Variants in SFSWAP observed in about 807,000 individuals in gnomAD.
The protein encoded by SFSWAP is splicing factor, suppressor of white-apricot homolog.
Under a neutral mutation model 100.7 loss-of-function variants are expected in SFSWAP, and 17 were observed. The observed-to-expected ratio is 0.17, with a 90% CI of 0.12 to 0.25. SFSWAP has a LOEUF of 0.25. SFSWAP is among the 10% of genes least tolerant of loss of function. The pLI is 1.00. For missense variants in SFSWAP, 1,005 were observed against 1,262.6 expected, an observed-to-expected ratio of 0.80 and a Z score of 3.09; for synonymous variants, 504 against 510.1, an observed-to-expected ratio of 0.99 and a Z score of 0.16.
At position 131,729,060 on chromosome 12, in the gene SFSWAP, G is replaced by T. The variant is rs563724205; in HGVS notation, c.1081+632G>T. The stretch of plus-strand genomic sequence containing the variant: ...TAGTGGCTTCCCTTACCTCTCAGTG[G>T]CTAGTGTCCTGTCACATGGTCTCCC... On this transcript the variant is annotated intron_variant, in intron 7 of 17. Coordinates refer to ENST00000261674, the MANE Select transcript of SFSWAP (RefSeq NM_004592.4). Among the ~76,000 whole-genome samples, 5 of 152,270 alleles carry T rather than the reference G, an allele frequency of 3.3e-5. No individual in the cohort carries two copies. In the South Asian group the frequency reaches 6.2e-4, roughly 19 times the overall value.
Position 131,799,279 on chromosome 12 carries a change from A to G in SFSWAP, c.2791-144A>G, listed in dbSNP as rs1593204457. The G allele has an allele frequency of 5.8e-6, 6 of 1,035,644 alleles. No homozygotes were observed. In the Admixed American group the frequency reaches 9.8e-5, roughly 17 times the overall value. The allele number at this position is 1,035,644 out of a possible 1,614,324, so 64.2% of individuals were successfully genotyped here. A position where few individuals can be genotyped will look rare whatever the true frequency, so the allele number is the denominator to read the frequency against. ...CCGAGGGCAAAGCCGTGTGGCCCGC[A>G]CCCTGCACAGCCAGGCTCCTCCGCC... On this transcript the variant is annotated intron_variant, in intron 17 of 17. Transcript: ENST00000261674.
chr12:131,711,314 G>C lies in SFSWAP; in HGVS notation c.85G>C (p.Gly29Arg), dbSNP rs748904111. ...EEAGPGGAGG[G>R]GSRVELLVFG... is the part of the protein sequence containing the mutation. ...GGCCGGGCCAGGCGGTGCCGGCGGT[G>C]GGGGCAGCCGAGTGGAGCTCTTGGT... The change falls in exon 1 of 18, where the codon GGG becomes CGG. Residue 29 changes from glycine (G) to arginine (R), a missense_variant. By Grantham distance (125) the Gly-to-Arg change is moderately radical (BLOSUM62 -2). Coordinates refer to ENST00000261674, the MANE Select transcript of SFSWAP (RefSeq NM_004592.4). The surrounding 1 kb of genome is among the most constrained non-coding windows in gnomAD (Gnocchi z 4.9). 9 of 1,613,536 alleles carry C rather than the reference G, an allele frequency of 5.6e-6. No individual in the cohort carries two copies. Among genetic ancestry groups the C allele is most frequent in the Non-Finnish European group, 7.6e-6 (9 of 1,179,822 alleles).
intron 7 of SFSWAP, among the ~76,000 whole-genome samples, chr12:131,742,333 A>T (rs549521549): frequency 2.3e-4 from 35 of 152,322 alleles, no homozygotes; most frequent in Non-Finnish European, 3.8e-4. Context: ...GAAGTCTTCA[A>T]AACCTCAGTA....
chr12:131,768,872 C>T (rs985427243), intron 13 of SFSWAP, among the ~76,000 whole-genome samples: 5 of 152,106 alleles, frequency 3.3e-5, no homozygotes, highest in African/African-American at 9.7e-5. Context: ...ACCTGTAATC[C>T]GAACACTTTG....
intron 13 of SFSWAP, among the ~76,000 whole-genome samples, chr12:131,766,906 G>A (rs1198709636): frequency 2.6e-5 from 4 of 152,228 alleles, no homozygotes; most frequent in African/African-American, 9.6e-5. Flanking sequence ...CAGACCAGAG[G>A]CCTTCAGTAG....
intron 7 of SFSWAP, among the ~76,000 whole-genome samples, chr12:131,736,415 A>T (rs765728690): frequency 1.3e-5 from 2 of 151,980 alleles, no homozygotes; most frequent in Non-Finnish European, 2.9e-5. Context: ...AATGAGGGGA[A>T]AAAAAAAGCC....
intron 4 of SFSWAP, among the ~76,000 whole-genome samples, chr12:131,720,667 T>A (rs898168522): frequency 6.6e-6 from 1 of 152,222 alleles, no homozygotes; most frequent in Non-Finnish European, 1.5e-5. Flanking sequence ...GATCACTCGC[T>A]GCCACTCTAA....
At chr12:131,786,973 C>T (rs1241063026) in intron 15 of SFSWAP, among the ~76,000 whole-genome samples, 6 of 152,174 alleles carry the variant, frequency 3.9e-5, no homozygotes, top group East Asian at 3.9e-4. Context: ...GTCTCAAGGG[C>T]AGTCACTGTG....
chr12:131,796,014 GGGAGAGGGGGAGGGGAGGGGAGGGGAGC>G (rs1885634043), intron 15 of SFSWAP: 2 of 24,928 alleles, frequency 8.0e-5, no homozygotes, highest in Non-Finnish European at 9.1e-5. Context: ...GGGAGGGGAG[GGGAGAGGGGGAGGGGAGGGGAGGGGAGC>G]GGAGAGGGGG....
At position 131,765,487 on chromosome 12, in the gene SFSWAP, G is replaced by GA. The variant is rs1367229895; in HGVS notation, c.1952-625dup. ...AACATGGTGAGACCCCATCTCTACT[G>GA]AAAAAACAAAATTAGCCGGGCGTGG... On this transcript the variant is annotated intron_variant, in intron 12 of 17. Transcript: ENST00000261674. Among the ~76,000 whole-genome samples the GA allele has an allele frequency of 5.9e-5, 9 of 152,078 alleles. No homozygotes were observed. In the East Asian group the frequency reaches 7.8e-4, roughly 13 times the overall value.
chr12:131,727,033 G>A lies in SFSWAP; in HGVS notation c.926G>A (p.Arg309His), dbSNP rs1287697193. ...PSLFASKKCN[R>H]LEELMKPLKV... is the part of the protein sequence containing the mutation. Reference sequence around the variant, plus strand: ...CTCTTTGCCTCCAAGAAGTGTAACCGCCTTGAAGAGCTGATGAAGGTTTTT... The same window carrying A: ...CTCTTTGCCTCCAAGAAGTGTAACCACCTTGAAGAGCTGATGAAGGTTTTT... Residue 309 changes from arginine (R) to histidine (H), a missense_variant, in exon 6 of 18, where the codon CGC (arginine) becomes CAC (histidine). By Grantham distance (29) the Arg-to-His change is conservative. Around this residue, in one of 7 missense-constraint regions of SFSWAP, gnomAD observed 22 missense variants for 52.6 expected, o/e 0.42. Transcript: ENST00000261674. 1.2e-5 allele frequency: 19 copies of A among 1,585,608 alleles called. No individual in the cohort carries two copies. The highest frequency in any genetic ancestry group is 4.5e-5 in the South Asian group (4 of 88,548).
intron 7 of SFSWAP, among the ~76,000 whole-genome samples, chr12:131,741,305 T>C (rs149945610): frequency 9.0e-4 from 137 of 152,274 alleles, no homozygotes; most frequent in African/African-American, 3.1e-3. Flanking sequence ...TCATAAAATA[T>C]TATTTTGTTT....
At position 131,766,761 on chromosome 12, in the gene SFSWAP, G is replaced by A. The variant is rs977418903; in HGVS notation, c.2142+453G>A. Among the ~76,000 whole-genome samples, 4 of 152,256 alleles carry A rather than the reference G, an allele frequency of 2.6e-5. No individual in the cohort carries two copies. The East Asian group carries it at 7.7e-4, about 29-fold the overall frequency. ...AATTAAAGAGAAAAAGGAAGAGGGAGTTAAGAGAACAGACTCCAGGAGTAC... is the reference window on the plus strand; with the variant it reads ...AATTAAAGAGAAAAAGGAAGAGGGAATTAAGAGAACAGACTCCAGGAGTAC... On this transcript the variant is annotated intron_variant, in intron 13 of 17. Transcript: ENST00000261674.
intron 4 of SFSWAP, among the ~76,000 whole-genome samples, chr12:131,721,415 T>G (rs1878465205): frequency 6.6e-6 from 1 of 152,258 alleles, no homozygotes; most frequent in Non-Finnish European, 1.5e-5. Flanking sequence ...ATGTATTATA[T>G]ATATTGTATT....
rs754752412 is a variant in SFSWAP at position 131,797,245 on chromosome 12, T to C, written c.2602T>C (p.Ser868Pro). ...GACCAAGTCCAAGGCCAGGTCTCAG[T>C]CGGTGTCACCCAGCAAGCAGGCAGC... Reference protein sequence around the residue: ...SRTKSKARSQSVSPSKQAAPR... With the variant: ...SRTKSKARSQPVSPSKQAAPR... The change falls in exon 16 of 18, where the codon TCG becomes CCG. Residue 868 changes from serine to proline, a missense_variant. Ser to Pro is a moderately conservative substitution (Grantham distance 74). Transcript: ENST00000261674. 3.7e-6 allele frequency: 6 copies of C among 1,612,658 alleles called. No homozygotes were observed. The highest frequency in any genetic ancestry group is 5.1e-6 in the Non-Finnish European group (6 of 1,179,812).
chr12:131,742,253 T>TGG (rs1880713314), intron 7 of SFSWAP, among the ~76,000 whole-genome samples: 1 of 152,160 alleles, frequency 6.6e-6, no homozygotes, highest in Non-Finnish European at 1.5e-5. Context: ...CTTTCCATGG[T>TGG]GGGGCCCAGG....
chr12:131,749,739 G>T lies in SFSWAP; in HGVS notation c.1082-3384G>T, dbSNP rs184101006. On this transcript the variant is annotated intron_variant, in intron 7 of 17. Coordinates refer to ENST00000261674, the MANE Select transcript of SFSWAP (RefSeq NM_004592.4). Reference sequence around the variant, plus strand: ...AACTCACTCATTAAACACTTACTGAGGGCCTGCTCATGCCAGGAGCTGTGT... The same window carrying T: ...AACTCACTCATTAAACACTTACTGATGGCCTGCTCATGCCAGGAGCTGTGT... Among the ~76,000 whole-genome samples, 1,119 of 152,340 alleles carry T rather than the reference G, an allele frequency of 7.3e-3. 8 individuals carry two copies. Among genetic ancestry groups the T allele is most frequent in the Non-Finnish European group, 0.012 (786 of 68,034 alleles).
At chr12:131,793,446 C>A (rs1885419249) in intron 15 of SFSWAP, among the ~76,000 whole-genome samples, 1 of 152,124 alleles carries the variant, frequency 6.6e-6, no homozygotes, top group African/African-American at 2.4e-5. Flanking sequence ...AAAAAGTGCA[C>A]TGCATGCTGT....
intron 7 of SFSWAP, among the ~76,000 whole-genome samples, chr12:131,735,334 G>C (rs1879907196): frequency 6.6e-6 from 1 of 152,154 alleles, no homozygotes; most frequent in Admixed American, 6.5e-5. Flanking sequence ...CCTTTGCTTT[G>C]CTTCTCTAGG....
Sources: allele counts gnomAD v4.1 joint callset (sites outside exome capture counted in the v4.1 genomes callset), GRCh38; gene constraint gnomAD v4.1.1; regional missense constraint gnomAD v4.1.1; non-coding constraint Gnocchi (gnomAD v3.1); transcripts MANE v1.5; gene names NCBI Gene and HGNC (gene_info 2026-07-23, HGNC 2026-07-21).